The following ZNF66 variants were observed in gnomAD, a reference collection of about 807,000 sequenced individuals.
The protein encoded by ZNF66 is zinc finger protein 66.
Under a neutral mutation model 35.2 loss-of-function variants are expected in ZNF66, and 32 were observed. The observed-to-expected ratio is 0.91, with a 90% CI of 0.69 to 1.22. The LOEUF is 1.22. ZNF66 is among the 50% of genes most tolerant of loss of function. The probability of loss-of-function intolerance (pLI) is 0.00; values close to 1 mark genes in which losing one functional copy is unlikely to be tolerated. For missense variants in ZNF66, 666 were observed against 543.1 expected (o/e 1.23, Z -2.25); for synonymous variants, 231 against 181.3 (o/e 1.27, Z -2.20).
chr19:20,776,434 C>T lies in ZNF66; in HGVS notation c.-14C>T, dbSNP rs1301267744. 37 of 1,559,792 alleles carry T rather than the reference C, an allele frequency of 2.4e-5. No individual in the cohort carries two copies. The highest frequency in any genetic ancestry group is 3.1e-5 in the Non-Finnish European group (35 of 1,132,564). On this transcript the variant is annotated 5_prime_UTR_variant, in exon 1 of 4. Coordinates refer to ENST00000344519, the MANE Select transcript of ZNF66 (RefSeq NM_001355197.2). ...TCCACAGCTAAGACGCCAGGACCCC[C>T]TGGAAGCCTAGAAATGGTGAGAGTG... is the stretch of plus-strand genomic sequence containing the variant.
chr19:20,778,629 A>T (rs1439473494), intron 1 of ZNF66, among the ~76,000 whole-genome samples: 1 of 151,950 alleles, frequency 6.6e-6, no homozygotes, highest in Non-Finnish European at 1.5e-5. Flanking sequence ...CTAAAAATAC[A>T]AAAGTTAGCC....
At chr19:20,796,517 CAT>C (rs1387057420) in intron 3 of ZNF66, among the ~76,000 whole-genome samples, 2 of 152,052 alleles carry the variant, frequency 1.3e-5, no homozygotes, top group East Asian at 1.9e-4. Flanking sequence ...TAAATAATAA[CAT>C]AGTTTATTTC....
chr19:20,807,058 T>C lies in ZNF66; in HGVS notation c.1458T>C (p.Cys486=). The C allele has an allele frequency of 1.2e-6, 1 of 826,550 alleles. No homozygotes were observed. The highest frequency in any genetic ancestry group is 2.1e-6 in the Non-Finnish European group (1 of 467,370). The allele number at this position is 826,550 out of a possible 1,614,324, so 51.2% of individuals were successfully genotyped here. A position where few individuals can be genotyped will look rare whatever the true frequency, so the allele number is the denominator to read the frequency against. ...TGEKPYKCEE[C]GKAFKCSSIL... Reference sequence around the variant, plus strand: ...AGAAGCCTTACAAATGTGAAGAATGTGGCAAGGCCTTTAAGTGCTCCTCTA... The same window carrying C: ...AGAAGCCTTACAAATGTGAAGAATGCGGCAAGGCCTTTAAGTGCTCCTCTA... Residue 486 remains cysteine (C), a synonymous_variant, in exon 4 of 4, where the codon TGT becomes TGC. Transcript: ENST00000344519.
Position 20,792,605 on chromosome 19 carries a change from A to G in ZNF66, c.97A>G (p.Met33Val), listed in dbSNP as rs528883630. ...MAQRNLYRDV[M>V]LENYRNLVFL... ...ACAGCGGAATTTATATAGGGATGTG[A>G]TGTTAGAGAACTACAGAAACCTGGT... Residue 33 changes from methionine to valine, a missense_variant, in exon 2 of 4, where the codon ATG becomes GTG. Physicochemically the swap from Met to Val is conservative, Grantham distance 21 (BLOSUM62 1). Coordinates refer to ENST00000344519, the MANE Select transcript of ZNF66 (RefSeq NM_001355197.2). 8.1e-6 allele frequency: 12 copies of G among 1,478,506 alleles called. No homozygotes were observed. In the East Asian group the frequency reaches 2.1e-4, roughly 25 times the overall value. The allele number at this position is 1,478,506 out of a possible 1,614,324, so 91.6% of individuals were successfully genotyped here.
intron 1 of ZNF66, among the ~76,000 whole-genome samples, chr19:20,783,613 AT>A (rs1230775426): frequency 6.6e-6 from 1 of 152,208 alleles, no homozygotes; most frequent in Non-Finnish European, 1.5e-5. Flanking sequence ...ATAAAATTAA[AT>A]TTAGCAATAC....
rs1306311577 is a variant in ZNF66, at chr19:20,807,279, T to C, written c.1679T>C (p.Met560Thr). The C allele has an allele frequency of 1.5e-6, 1 of 673,814 alleles. No homozygotes were observed. The highest frequency in any genetic ancestry group is 1.8e-5 in the African/African-American group (1 of 55,610). The allele number at this position is 673,814 out of a possible 1,614,324, so 41.7% of individuals were successfully genotyped here. A position where few individuals can be genotyped will look rare whatever the true frequency, so the allele number is the denominator to read the frequency against. ...CTTAGTAGACATGAGATAATTCATATGGGAGGGAATCCCTACAAATGTGAA... is the reference window on the plus strand; with the variant it reads ...CTTAGTAGACATGAGATAATTCATACGGGAGGGAATCCCTACAAATGTGAA... ...SNLSRHEIIH[M>T]GGNPYKCENV... is the part of the protein sequence containing the mutation. The change falls in exon 4 of 4, where the codon ATG (methionine) becomes ACG (threonine). Residue 560 changes from methionine (M) to threonine (T), a missense_variant. Physicochemically the swap from Met to Thr is moderately conservative, Grantham distance 81. Coordinates refer to ENST00000344519, the MANE Select transcript of ZNF66 (RefSeq NM_001355197.2).
Position 20,809,245 on chromosome 19 carries a change from G to C in ZNF66, c.*1923G>C, listed in dbSNP as rs1599559186. On this transcript the variant is annotated 3_prime_UTR_variant, in exon 4 of 4. Coordinates refer to ENST00000344519, the MANE Select transcript of ZNF66 (RefSeq NM_001355197.2). Reference sequence around the variant, plus strand: ...TGAGGGGGAGAATGGAACCAACTTGGAAAACACTCTGCAGGATATTATCCA... The same window carrying C: ...TGAGGGGGAGAATGGAACCAACTTGCAAAACACTCTGCAGGATATTATCCA... 6.6e-6 allele frequency among the ~76,000 whole-genome samples: 1 copy of C among 152,150 alleles called. No homozygotes were observed. The highest frequency in any genetic ancestry group is 1.5e-5 in the Non-Finnish European group (1 of 68,038).
At chr19:20,804,617 C>T (rs1049332971) in intron 3 of ZNF66, among the ~76,000 whole-genome samples, 2 of 152,150 alleles carry the variant, frequency 1.3e-5, no homozygotes, top group African/African-American at 4.8e-5. Flanking sequence ...TCTTCACTCA[C>T]TGATGGGGCC....
In ZNF66 at chr19:20,808,901, C is replaced by T. The variant is rs528726221; in HGVS notation, c.*1579C>T. Among the ~76,000 whole-genome samples, 3 of 151,842 alleles carry T rather than the reference C, an allele frequency of 2.0e-5. No individual in the cohort carries two copies. The highest frequency in any genetic ancestry group is 4.4e-5 in the Non-Finnish European group (3 of 67,924). ...CTTCAGACGATCAAACTACTCCGAGCTACAGGAGGAAATTCAAACCAAAGG... is the reference window on the plus strand; with the variant it reads ...CTTCAGACGATCAAACTACTCCGAGTTACAGGAGGAAATTCAAACCAAAGG... On this transcript the variant is annotated 3_prime_UTR_variant, in exon 4 of 4. Coordinates refer to ENST00000344519, the MANE Select transcript of ZNF66 (RefSeq NM_001355197.2).
At chr19:20,788,156 G>T (rs935926749) in intron 1 of ZNF66, among the ~76,000 whole-genome samples, 1 of 152,130 alleles carries the variant, frequency 6.6e-6, no homozygotes, top group Non-Finnish European at 1.5e-5. Flanking sequence ...TGATAAAGAA[G>T]GAGGAGATCT....
chr19:20,778,913 T>C (rs568388289), intron 1 of ZNF66, among the ~76,000 whole-genome samples: 1 of 152,132 alleles, frequency 6.6e-6, no homozygotes, highest in African/African-American at 2.4e-5. Flanking sequence ...ACATGGAAAT[T>C]AAAGCTTGAA....
rs142052913 is a variant in ZNF66 at position 20,797,189 on chromosome 19, A to ATTTTTTTTTT, written c.226+3338_226+3347dup. 1.1e-3 allele frequency among the ~76,000 whole-genome samples: 51 copies of ATTTTTTTTTT among 45,478 alleles called. 7 individuals carry two copies. Among genetic ancestry groups the ATTTTTTTTTT allele is most frequent in the Non-Finnish European group, 1.6e-3 (38 of 24,166 alleles). 29.8% of individuals were successfully genotyped at this position (45,478 alleles called of 152,430 possible). A position where few individuals can be genotyped will look rare whatever the true frequency, so the allele number is the denominator to read the frequency against. ...ATAATGCATCAATGTTGCATGCTAG[A>ATTTTTTTTTT]TTTTTTTTTTTTTTTTTTTTTTTTT... On this transcript the variant is annotated intron_variant, in intron 3 of 3. Transcript: ENST00000344519.
At chr19:20,781,019 C>G (rs1971240876) in intron 1 of ZNF66, among the ~76,000 whole-genome samples, 1 of 152,184 alleles carries the variant, frequency 6.6e-6, no homozygotes, top group South Asian at 2.1e-4. Flanking sequence ...CAAGTCTCTG[C>G]AAGTCTCCTG....
At position 20,807,554 on chromosome 19, in the gene ZNF66, C is replaced by T. The variant is rs1032803219; in HGVS notation, c.*232C>T. 2.6e-5 allele frequency among the ~76,000 whole-genome samples: 4 copies of T among 151,770 alleles called. No homozygotes were observed. Among genetic ancestry groups the T allele is most frequent in the Admixed American group, 1.3e-4 (2 of 15,210 alleles). On this transcript the variant is annotated 3_prime_UTR_variant, in exon 4 of 4. Coordinates refer to ENST00000344519, the MANE Select transcript of ZNF66 (RefSeq NM_001355197.2). ...AACCCTACACCTGTGAAGAATGTGG[C>T]ATAGCCTATAACAATTTTCAATCAA... is the stretch of plus-strand genomic sequence containing the variant.
At chr19:20,792,014 G>C (rs1216345899) in intron 1 of ZNF66, among the ~76,000 whole-genome samples, 2 of 151,108 alleles carry the variant, frequency 1.3e-5, no homozygotes, top group African/African-American at 4.9e-5. Context: ...AAAAACACAG[G>C]CTCTTCCACT....
In ZNF66 at chr19:20,807,399, G is replaced by T. The variant is rs2144923295; in HGVS notation, c.*77G>T. On this transcript the variant is annotated 3_prime_UTR_variant, in exon 4 of 4. Coordinates refer to ENST00000344519, the MANE Select transcript of ZNF66 (RefSeq NM_001355197.2). ...CTATGAGTTTGATGAATGTGGGAAA[G>T]ACTTTAACCAGCTATCAACTTTTAC... is the stretch of plus-strand genomic sequence containing the variant. 2 of 560,754 alleles carry T rather than the reference G, an allele frequency of 3.6e-6. No individual in the cohort carries two copies. The highest frequency in any genetic ancestry group is 5.7e-5 in the South Asian group (2 of 35,212). The allele number at this position is 560,754 out of a possible 1,614,324, so 34.7% of individuals were successfully genotyped here.
chr19:20,806,757 C>A lies in ZNF66; in HGVS notation c.1157C>A (p.Ala386Glu), dbSNP rs779028810. The change falls in exon 4 of 4, where the codon GCA becomes GAA. Residue 386 changes from alanine to glutamate, a missense_variant. Coordinates refer to ENST00000344519, the MANE Select transcript of ZNF66 (RefSeq NM_001355197.2). ...EAFKYSCSLT[A>E]HKIIHTGKKP... ...TTTAAGTACTCCTGTTCCCTTACTG[C>A]ACATAAGATAATTCATACTGGAAAG... The A allele has an allele frequency of 7.5e-7, 1 of 1,336,656 alleles. No homozygotes were observed. Among genetic ancestry groups the A allele is most frequent in the Non-Finnish European group, 1.1e-6 (1 of 930,852 alleles). The allele number at this position is 1,336,656 out of a possible 1,614,324, so 82.8% of individuals were successfully genotyped here. A position where few individuals can be genotyped will look rare whatever the true frequency, so the allele number is the denominator to read the frequency against.
chr19:20,800,131 C>A (rs974767646), intron 3 of ZNF66, among the ~76,000 whole-genome samples: 1 of 152,124 alleles, frequency 6.6e-6, no homozygotes, highest in Non-Finnish European at 1.5e-5. Flanking sequence ...ATCCTTTCAC[C>A]TCAGTTTTTT....
intron 1 of ZNF66, 168 bp downstream of exon 1, chr19:20,776,618 C>A: frequency 2.0e-6 from 2 of 1,017,634 alleles, no homozygotes; most frequent in Non-Finnish European, 2.9e-6. Context: ...GGCCCCCGGG[C>A]GTCCTGTCGC....
Sources: gnomAD v4.1 joint callset for allele counts (sites outside exome capture counted in the v4.1 genomes callset) on GRCh38, gnomAD v4.1.1 for gene constraint, MANE v1.5 for transcripts, NCBI Gene and HGNC (gene_info 2026-07-23, HGNC 2026-07-21) for gene names.